The following OTUD7A variants were observed in gnomAD, a reference collection of about 807,000 sequenced individuals.
OTUD7A encodes OTU deubiquitinase 7A.
OTUD7A carries 12 observed loss-of-function variants against 65.7 expected under a neutral mutation model. The observed-to-expected ratio is 0.18, with a 90% confidence interval of 0.12 to 0.30. The LOEUF is 0.30. OTUD7A is among the 10% of genes least tolerant of loss of function. The probability of loss-of-function intolerance (pLI) is 1.00; values close to 1 mark genes in which losing one functional copy is unlikely to be tolerated. For synonymous variants in OTUD7A, 641 were observed against 586.3 expected (o/e 1.09, Z -1.35); for missense variants, 1,148 against 1,304.8 (o/e 0.88, Z 1.85).
chr15:31,714,450 G>A (rs1165113885), intron 1 of OTUD7A, among the ~76,000 whole-genome samples: 1 of 152,016 alleles, frequency 6.6e-6, no homozygotes, highest in Non-Finnish European at 1.5e-5. Flanking sequence ...AGGCTCAAGG[G>A]GGCAGATGCC....
chr15:31,765,822 G>C, intron 1 of OTUD7A: 2 of 1,336,554 alleles, frequency 1.5e-6, no homozygotes, highest in Non-Finnish European at 2.2e-6. Context: ...ACCAAAAAGT[G>C]CTGCTTCACT....
chr15:31,655,012 C>T, intron 3 of OTUD7A, 84 bp downstream of exon 3: 4 of 1,489,442 alleles, frequency 2.7e-6, no homozygotes, highest in Non-Finnish European at 2.7e-6. Context: ...TCAAGTACCA[C>T]TGTCATCAGG....
At chr15:31,547,433 C>G (rs1317138479) in intron 5 of OTUD7A, among the ~76,000 whole-genome samples, 2 of 152,158 alleles carry the variant, frequency 1.3e-5, no homozygotes, top group Non-Finnish European at 2.9e-5. Flanking sequence ...TATTTTACCA[C>G]TTCTTAAGAC....
At chr15:31,524,962 A>G (rs930086013) in intron 8 of OTUD7A, among the ~76,000 whole-genome samples, 1 of 152,192 alleles carries the variant, frequency 6.6e-6, no homozygotes, top group East Asian at 1.9e-4. Context: ...CTGACTAGCC[A>G]TGAGACCTTG....
chr15:31,671,037 C>T (rs114632325), intron 1 of OTUD7A, among the ~76,000 whole-genome samples: 3,193 of 152,014 alleles, frequency 0.021, 109 homozygotes, highest in African/African-American at 0.073. Flanking sequence ...GCTGTCTGTT[C>T]ACCTGACAAC....
At chr15:31,821,133 C>CTTTTTTTTT (rs35732957) in intron 1 of OTUD7A, among the ~76,000 whole-genome samples, 6 of 97,466 alleles carry the variant, frequency 6.2e-5, no homozygotes, top group African/African-American at 1.3e-4. Flanking sequence ...TTTTTCATTT[C>CTTTTTTTTT]TTTTTTTTTT....
At position 31,681,330 on chromosome 15, in the gene OTUD7A, GCCAC is replaced by G. The variant is rs990535999; in HGVS notation, c.-99-24257_-99-24254del. On this transcript the variant is annotated intron_variant, in intron 1 of 12. Coordinates refer to ENST00000307050, the MANE Select transcript of OTUD7A (RefSeq NM_001382637.1). ...ATCCATCCATGCACCCACCCACCCA[GCCAC>G]CCACCTATGCATGTTTCTGGGTGTC... Among the ~76,000 whole-genome samples, 31 of 151,318 alleles carry G rather than the reference GCCAC, an allele frequency of 2.0e-4. 1 individual carries two copies. The highest frequency in any genetic ancestry group is 9.7e-4 in the East Asian group (5 of 5,144).
At chr15:31,631,418 CA>C (rs1891149251) in intron 3 of OTUD7A, among the ~76,000 whole-genome samples, 2 of 152,182 alleles carry the variant, frequency 1.3e-5, no homozygotes, top group Admixed American at 6.5e-5. Flanking sequence ...ATATTGGCCC[CA>C]ACTCTCTTCT....
chr15:31,626,919 TC>T (rs201032127), intron 3 of OTUD7A, among the ~76,000 whole-genome samples: 1 of 148,768 alleles, frequency 6.7e-6, no homozygotes, highest in East Asian at 2.0e-4. Context: ...TTTTATGGTT[TC>T]TTTTTTACAC....
chr15:31,721,866 G>A (rs1053670308), intron 1 of OTUD7A, among the ~76,000 whole-genome samples: 2 of 152,314 alleles, frequency 1.3e-5, no homozygotes, highest in Non-Finnish European at 2.9e-5. Context: ...CCTCCGCATC[G>A]GACCCAGGCT....
intron 1 of OTUD7A, among the ~76,000 whole-genome samples, chr15:31,853,133 T>C (rs1461466406): frequency 6.6e-6 from 1 of 152,234 alleles, no homozygotes; most frequent in Non-Finnish European, 1.5e-5. Context: ...AGAATTGTTC[T>C]GGAGTCAAAC....
intron 8 of OTUD7A, among the ~76,000 whole-genome samples, chr15:31,523,089 C>G (rs1007552502): frequency 4.6e-5 from 7 of 152,266 alleles, no homozygotes; most frequent in African/African-American, 1.7e-4. Flanking sequence ...CCTTGACTTG[C>G]TCTTTCCTAT....
intron 4 of OTUD7A, among the ~76,000 whole-genome samples, chr15:31,559,429 G>A (rs1888612763): frequency 6.6e-6 from 1 of 151,952 alleles, no homozygotes; most frequent in South Asian, 2.1e-4. Flanking sequence ...ATATACATGT[G>A]CACACACACT....
intron 1 of OTUD7A, among the ~76,000 whole-genome samples, chr15:31,778,609 C>A (rs1432456223): frequency 6.6e-6 from 1 of 152,222 alleles, no homozygotes; most frequent in African/African-American, 2.4e-5. Flanking sequence ...CTGCAGGCTA[C>A]AGAGTGTTTG....
intron 10 of OTUD7A, among the ~76,000 whole-genome samples, chr15:31,496,141 T>C (rs1309526252): frequency 6.6e-6 from 1 of 152,172 alleles, no homozygotes; most frequent in African/African-American, 2.4e-5. Context: ...CCGTAATGTC[T>C]TGTAATAGGC....
intron 1 of OTUD7A, among the ~76,000 whole-genome samples, chr15:31,738,141 G>T (rs543939710): frequency 6.6e-6 from 1 of 152,234 alleles, no homozygotes; most frequent in African/African-American, 2.4e-5. Flanking sequence ...ACAAGGCAGA[G>T]AATTTCCAGG....
chr15:31,761,153 T>A (rs1467639423), intron 1 of OTUD7A, among the ~76,000 whole-genome samples: 2 of 152,094 alleles, frequency 1.3e-5, no homozygotes, highest in Non-Finnish European at 2.9e-5. Context: ...ATAACAAAAG[T>A]ACAATCAACA....
intron 8 of OTUD7A, among the ~76,000 whole-genome samples, chr15:31,520,036 A>C (rs2041916747): frequency 6.6e-6 from 1 of 152,222 alleles, no homozygotes; most frequent in Admixed American, 6.5e-5. Flanking sequence ...ATGGATTCCA[A>C]GAATCAACAT....
intron 3 of OTUD7A, among the ~76,000 whole-genome samples, chr15:31,615,119 G>A (rs1890546821): frequency 6.6e-6 from 1 of 152,096 alleles, no homozygotes; most frequent in African/African-American, 2.4e-5. Context: ...ATAATGAGAT[G>A]TTAGATCTAT....
Sources: gnomAD v4.1 joint callset for allele counts (sites outside exome capture counted in the v4.1 genomes callset) on GRCh38, gnomAD v4.1.1 for gene constraint, MANE v1.5 for transcripts, NCBI Gene and HGNC (gene_info 2026-07-23, HGNC 2026-07-21) for gene names.